The following MYO16 variants were observed in gnomAD, a reference collection of about 807,000 sequenced individuals.
MYO16 encodes myosin XVI, also known as unconventional myosin-XVI.
A neutral mutation model predicts 205.3 loss-of-function variants in MYO16; 94 were observed. That is an observed-to-expected ratio of 0.46 (90% confidence interval 0.39 to 0.54). The LOEUF is 0.54. Among genes scored for constraint, MYO16 ranks in the 20% least tolerant of loss-of-function variants. MYO16 has a pLI of 0.00. For synonymous variants in MYO16, 988 were observed against 954.0 expected (o/e 1.04, Z -0.66); for missense variants, 2,315 against 2,387.5 (o/e 0.97, Z 0.63).
At chr13:109,031,766 A>G (rs1886553421) in intron 23 of MYO16, among the ~76,000 whole-genome samples, 1 of 152,164 alleles carries the variant, frequency 6.6e-6, no homozygotes, top group Non-Finnish European at 1.5e-5. Context: ...TTGTAACCAG[A>G]TAAAAATTTG....
chr13:108,819,867 C>T (rs1173397596), intron 7 of MYO16, among the ~76,000 whole-genome samples: 2 of 152,134 alleles, frequency 1.3e-5, no homozygotes, highest in African/African-American at 2.4e-5. Context: ...TATAATTCCT[C>T]ACATAAGGAG....
intron 33 of MYO16, among the ~76,000 whole-genome samples, chr13:109,173,361 C>A (rs937869239): frequency 2.1e-4 from 32 of 152,182 alleles, no homozygotes; most frequent in African/African-American, 7.5e-4. Flanking sequence ...TACTCTGTTA[C>A]TTTCCACATA....
chr13:108,933,944 T>C (rs1464883961), intron 16 of MYO16, among the ~76,000 whole-genome samples: 2 of 152,208 alleles, frequency 1.3e-5, no homozygotes, highest in Non-Finnish European at 2.9e-5. Context: ...TTCTTTTTTA[T>C]GGCTGTGTAG....
chr13:108,941,704 A>G (rs1882732837), intron 16 of MYO16, among the ~76,000 whole-genome samples: 1 of 147,890 alleles, frequency 6.8e-6, no homozygotes, highest in Admixed American at 6.8e-5. Context: ...AAGGTAAAAG[A>G]AAAAAAAAAG....
At chr13:108,765,606 G>C (rs1885753334) in intron 4 of MYO16, among the ~76,000 whole-genome samples, 1 of 152,076 alleles carries the variant, frequency 6.6e-6, no homozygotes, top group African/African-American at 2.4e-5. Context: ...CAGTATGGAG[G>C]ATGGGATGGC....
intron 6 of MYO16, among the ~76,000 whole-genome samples, chr13:108,800,747 G>A (rs564166530): frequency 6.6e-6 from 1 of 152,220 alleles, no homozygotes; most frequent in South Asian, 2.1e-4. Flanking sequence ...TATAGCATTA[G>A]CCTCAGCATG....
intron 7 of MYO16, among the ~76,000 whole-genome samples, chr13:108,819,535 G>A (rs75440411): frequency 6.6e-6 from 1 of 151,978 alleles, no homozygotes; most frequent in South Asian, 2.1e-4. Context: ...GTTTTGGGGA[G>A]AAACACATGA....
Position 109,053,314 on chromosome 13 carries a change from TGTGA to T in MYO16, c.3048+847_3048+850del, listed in dbSNP as rs200204038. ...GAGTGGCCAAAATGTGTAATATGAG[TGTGA>T]GTGAGTGTGAGTGTGTGCTCCAGCC... is the stretch of plus-strand genomic sequence containing the variant. On this transcript the variant is annotated intron_variant, in intron 25 of 34. Transcript: ENST00000457511. 2.9e-3 allele frequency among the ~76,000 whole-genome samples: 433 copies of T among 149,350 alleles called. 4 individuals carry two copies. Among genetic ancestry groups the T allele is most frequent in the African/African-American group, 9.6e-3 (399 of 41,348 alleles).
At chr13:108,984,981 A>G (rs1884577848) in intron 20 of MYO16, among the ~76,000 whole-genome samples, 1 of 152,206 alleles carries the variant, frequency 6.6e-6, no homozygotes, top group Admixed American at 6.5e-5. Context: ...TTGATATAAT[A>G]CTGACATTAA....
At chr13:108,641,246 G>A (rs150881369) in intron 1 of MYO16, among the ~76,000 whole-genome samples, 105 of 152,322 alleles carry the variant, frequency 6.9e-4, no homozygotes, top group Non-Finnish European at 1.1e-3. Flanking sequence ...ATTTTGGTTA[G>A]TTCAGCTTAA....
At chr13:108,965,501 G>T (rs1883759595) in intron 20 of MYO16, among the ~76,000 whole-genome samples, 1 of 152,264 alleles carries the variant, frequency 6.6e-6, no homozygotes, top group South Asian at 2.1e-4. Flanking sequence ...CTGCCTCCCG[G>T]GTTCAAGTGA....
intron 10 of MYO16, among the ~76,000 whole-genome samples, chr13:108,855,104 T>C (rs1175326218): frequency 1.3e-5 from 2 of 152,172 alleles, no homozygotes; most frequent in Admixed American, 1.3e-4. Context: ...TCCAGAGAAC[T>C]GAGAACAGTA....
intron 24 of MYO16, chr13:109,048,525 C>A (rs928457914): frequency 1.6e-5 from 7 of 433,602 alleles, no homozygotes; most frequent in Admixed American, 4.0e-5. Flanking sequence ...GTAGACAATA[C>A]AAATGGATGT....
the MYO16 span, among the ~76,000 whole-genome samples, chr13:108,511,338 A>T: frequency 1.0e-4 from 9 of 87,430 alleles, no homozygotes; most frequent in South Asian, 4.8e-4. Context: ...TTTTCTTGTA[A>T]ATTTGTTTGA....
intron 16 of MYO16, among the ~76,000 whole-genome samples, chr13:108,932,164 T>C (rs1417070500): frequency 6.6e-6 from 1 of 152,260 alleles, no homozygotes; most frequent in Non-Finnish European, 1.5e-5. Flanking sequence ...TTGTTCTTTT[T>C]CAAATCTGTC....
chr13:108,834,211 A>G (rs1263686512), intron 9 of MYO16, among the ~76,000 whole-genome samples: 1 of 152,138 alleles, frequency 6.6e-6, no homozygotes, highest in Non-Finnish European at 1.5e-5. Flanking sequence ...GGGGTGAGCT[A>G]GGGGGAAAGT....
At chr13:108,654,342 C>T (rs1031911134) in intron 1 of MYO16, among the ~76,000 whole-genome samples, 5 of 152,144 alleles carry the variant, frequency 3.3e-5, no homozygotes, top group Admixed American at 6.5e-5. Flanking sequence ...GGAAGTCTCA[C>T]GAGATCTGAT....
intron 16 of MYO16, among the ~76,000 whole-genome samples, chr13:108,952,347 T>C (rs1222565222): frequency 1.3e-5 from 2 of 152,116 alleles, no homozygotes; most frequent in Admixed American, 1.3e-4. Context: ...ACTCCTAAGC[T>C]TGAGAGACAC....
At chr13:108,674,663 C>T (rs952498298) in intron 2 of MYO16, among the ~76,000 whole-genome samples, 2 of 152,156 alleles carry the variant, frequency 1.3e-5, no homozygotes, top group Non-Finnish European at 2.9e-5. Flanking sequence ...ATGACCAAGC[C>T]TGGATCCATA....
Sources: allele counts gnomAD v4.1 joint callset (sites outside exome capture counted in the v4.1 genomes callset), GRCh38; gene constraint gnomAD v4.1.1; transcripts MANE v1.5; gene names NCBI Gene and HGNC (gene_info 2026-07-23, HGNC 2026-07-21).